AKAP19: variants seen among roughly 807,000 people sequenced by gnomAD.
AKAP19 encodes small A-kinase anchoring protein.
At chr2:190,019,955 C>A in the AKAP19 span, among the ~76,000 whole-genome samples, 2 of 152,148 alleles carry the variant, frequency 1.3e-5, no homozygotes, top group African/African-American at 4.8e-5. Flanking sequence ...GCTAGTTGAA[C>A]TTTCTGTAGT....
chr2:189,930,892 T>C, the AKAP19 span: 18 of 719,236 alleles, frequency 2.5e-5, no homozygotes, highest in South Asian at 2.8e-4. Context: ...AACCTGTTCC[T>C]GATATGGCAG....
chr2:190,121,509 A>G, the AKAP19 span, among the ~76,000 whole-genome samples: 1 of 152,228 alleles, frequency 6.6e-6, no homozygotes, highest in Non-Finnish European at 1.5e-5. Context: ...CACCACATTT[A>G]TGGGCACTTC....
At chr2:190,008,689 T>C in the AKAP19 span, among the ~76,000 whole-genome samples, 1 of 151,872 alleles carries the variant, frequency 6.6e-6, no homozygotes, top group African/African-American at 2.4e-5. Flanking sequence ...AGATACTTTA[T>C]GAGTTTCTTG....
chr2:189,969,139 GT>G, the AKAP19 span, among the ~76,000 whole-genome samples: 1 of 151,998 alleles, frequency 6.6e-6, no homozygotes, highest in East Asian at 1.9e-4. Context: ...TGATCTAAGT[GT>G]TTTTTTCCCC....
chr2:189,994,121 C>T, the AKAP19 span, among the ~76,000 whole-genome samples: 1 of 151,854 alleles, frequency 6.6e-6, no homozygotes, highest in Non-Finnish European at 1.5e-5. Flanking sequence ...AGCGATTCTC[C>T]TGCCTCAGCC....
the AKAP19 span, among the ~76,000 whole-genome samples, chr2:189,999,221 C>G: frequency 6.6e-6 from 1 of 151,778 alleles, no homozygotes; most frequent in East Asian, 1.9e-4. Context: ...GTGTTTAAAG[C>G]TAGAAATTTA....
At chr2:190,181,023 C>T in the AKAP19 span, 6 of 985,424 alleles carry the variant, frequency 6.1e-6, no homozygotes, top group African/African-American at 8.7e-5. Flanking sequence ...TTCGGAGACC[C>T]GCCCCGGGCC....
chr2:190,045,485 A>G, the AKAP19 span, among the ~76,000 whole-genome samples: 2 of 151,912 alleles, frequency 1.3e-5, no homozygotes, highest in African/African-American at 4.8e-5. Flanking sequence ...TTGGGCACCC[A>G]CTGAAAGCAG....
At chr2:189,973,009 C>A in the AKAP19 span, among the ~76,000 whole-genome samples, 1 of 152,188 alleles carries the variant, frequency 6.6e-6, no homozygotes, top group Non-Finnish European at 1.5e-5. Flanking sequence ...GCCAGAACTT[C>A]CAACACTATG....
chr2:189,992,684 C>T, the AKAP19 span, among the ~76,000 whole-genome samples: 2 of 152,132 alleles, frequency 1.3e-5, no homozygotes, highest in Non-Finnish European at 2.9e-5. Flanking sequence ...GTTTGTGTCA[C>T]TGATGATTTC....
chr2:190,004,762 G>A, the AKAP19 span, among the ~76,000 whole-genome samples: 2 of 152,068 alleles, frequency 1.3e-5, no homozygotes, highest in East Asian at 3.9e-4. Context: ...GAGCATTCTA[G>A]TGCAATCTTT....
chr2:189,934,312 G>A, the AKAP19 span, among the ~76,000 whole-genome samples: 1 of 152,076 alleles, frequency 6.6e-6, no homozygotes, highest in East Asian at 1.9e-4. Flanking sequence ...TACGTCATTT[G>A]TAAAAACTGC....
chr2:189,969,289 A>G, the AKAP19 span, among the ~76,000 whole-genome samples: 15 of 152,220 alleles, frequency 9.9e-5, no homozygotes, highest in African/African-American at 2.9e-4. Context: ...GTTTATAGTG[A>G]GATGACTGCC....
At chr2:189,945,530 A>C in the AKAP19 span, among the ~76,000 whole-genome samples, 1 of 152,236 alleles carries the variant, frequency 6.6e-6, no homozygotes, top group African/African-American at 2.4e-5. Flanking sequence ...ACAAAAACTG[A>C]TTATAAAGCC....
the AKAP19 span, among the ~76,000 whole-genome samples, chr2:189,919,965 C>T: frequency 6.0e-4 from 91 of 152,278 alleles, 1 homozygote; most frequent in East Asian, 0.015. Context: ...CACAAACATT[C>T]TGAGTTTTTC....
chr2:190,103,581 A>G, the AKAP19 span, among the ~76,000 whole-genome samples: 468 of 152,332 alleles, frequency 3.1e-3, 5 homozygotes, highest in African/African-American at 0.011. Context: ...AACACAGTCC[A>G]TTTATAATAT....
At chr2:189,998,776 T>TA in the AKAP19 span, among the ~76,000 whole-genome samples, 1 of 104,928 alleles carries the variant, frequency 9.5e-6, no homozygotes, top group African/African-American at 3.2e-5. Flanking sequence ...TCTTTCTTTT[T>TA]TTTTTTTTTT....
the AKAP19 span, among the ~76,000 whole-genome samples, chr2:190,054,680 C>A: frequency 2.6e-5 from 4 of 152,198 alleles, no homozygotes; most frequent in African/African-American, 9.6e-5. Context: ...TATGAACAGA[C>A]ACTTCTCAAA....
chr2:190,058,533 A>G, the AKAP19 span, among the ~76,000 whole-genome samples: 2 of 152,094 alleles, frequency 1.3e-5, no homozygotes, highest in Non-Finnish European at 1.5e-5. Context: ...AAAATTGTAT[A>G]GTCTTTTAGA....
Sources: allele counts gnomAD v4.1 joint callset (sites outside exome capture counted in the v4.1 genomes callset), GRCh38; gene constraint gnomAD v4.1.1; transcripts MANE v1.5; gene names NCBI Gene and HGNC (gene_info 2026-07-23, HGNC 2026-07-21).